The following SLC15A5 variants were observed in gnomAD, a reference collection of about 807,000 sequenced individuals.
The protein encoded by SLC15A5 is solute carrier family 15 member 5.
A neutral mutation model predicts 56.1 loss-of-function variants in SLC15A5; 58 were observed. That is an observed-to-expected ratio of 1.03 (90% CI 0.84 to 1.29). SLC15A5 has a LOEUF of 1.29. Among genes scored for constraint, SLC15A5 ranks in the 50% most tolerant of loss-of-function variants. SLC15A5 has a pLI of 0.00. For synonymous variants in SLC15A5, 264 were observed against 250.5 expected, an observed-to-expected ratio of 1.05 and a Z score of -0.51; for missense variants, 681 against 672.1, an observed-to-expected ratio of 1.01 and a Z score of -0.15.
chr12:16,256,913 A>AATAAG (rs1555173303), intron 3 of SLC15A5, among the ~76,000 whole-genome samples: 1 of 148,480 alleles, frequency 6.7e-6, no homozygotes, highest in Non-Finnish European at 1.5e-5. Flanking sequence ...ATGCATGGGG[A>AATAAG]ATAGATAGAT....
chr12:16,195,048 A>AAATTCTTC (rs1863879951), intron 7 of SLC15A5, among the ~76,000 whole-genome samples: 1 of 152,048 alleles, frequency 6.6e-6, no homozygotes, highest in African/African-American at 2.4e-5. Flanking sequence ...CCTAATAAGT[A>AAATTCTTC]AATTCTTCAA....
At position 16,243,820 on chromosome 12, in the gene SLC15A5, G is replaced by C. The variant is rs1305868799; in HGVS notation, c.975+760C>G. ...TTTAACAAATAAAGTAGTTTATGAA[G>C]TTAATCTCTAAATTTTGTTGCAGCT... On this transcript the variant is annotated intron_variant, in intron 4 of 8. Transcript: ENST00000344941. The surrounding 1 kb of genome is among the most constrained non-coding windows in gnomAD (Gnocchi z 4.4). 2.6e-5 allele frequency among the ~76,000 whole-genome samples: 4 copies of C among 152,180 alleles called. No homozygotes were observed. Among genetic ancestry groups the C allele is most frequent in the Admixed American group, 2.0e-4 (3 of 15,276 alleles).
intron 6 of SLC15A5, 89 bp downstream of exon 6, chr12:16,224,325 C>A: frequency 8.0e-7 from 1 of 1,246,850 alleles, no homozygotes; most frequent in South Asian, 1.7e-5. Context: ...GAATAGATGA[C>A]ATACCACTTT....
rs138596930 is a variant in SLC15A5, at chr12:16,243,294, T to A, written c.975+1286A>T. 6.6e-6 allele frequency among the ~76,000 whole-genome samples: 1 copy of A among 151,014 alleles called. No homozygotes were observed. Among genetic ancestry groups the A allele is most frequent in the African/African-American group, 2.4e-5 (1 of 41,182 alleles). On this transcript the variant is annotated intron_variant, in intron 4 of 8. Coordinates refer to ENST00000344941, the MANE Select transcript of SLC15A5 (RefSeq NM_001170798.1). This position sits in a 1 kb window ranked among gnomAD's most constrained non-coding sequence, Gnocchi z 4.4. ...GGCATGATCTCTGCTCACCGCAACC[T>A]CCGCCTCCTGGGTTCAAGCGATTCT... is the stretch of plus-strand genomic sequence containing the variant.
chr12:16,230,119 C>G (rs1306623561), intron 5 of SLC15A5, among the ~76,000 whole-genome samples: 1 of 152,022 alleles, frequency 6.6e-6, no homozygotes, highest in Non-Finnish European at 1.5e-5. Context: ...AGTTTAATCC[C>G]AGCAAGGAAA....
chr12:16,238,605 G>A (rs969647008), intron 5 of SLC15A5, among the ~76,000 whole-genome samples: 4 of 144,676 alleles, frequency 2.8e-5, no homozygotes, highest in Non-Finnish European at 6.0e-5. Context: ...ACTCCAGCCT[G>A]GGCGACAGAG....
intron 3 of SLC15A5, among the ~76,000 whole-genome samples, chr12:16,245,371 G>T (rs1393825927): frequency 1.3e-5 from 2 of 152,160 alleles, no homozygotes; most frequent in African/African-American, 4.8e-5. Flanking sequence ...GTCATTAAGA[G>T]TTCAGATTAG....
rs377556017 is a variant in SLC15A5 at position 16,272,738 on chromosome 12, T to G, written c.407A>C (p.Tyr136Ser). 613 of 1,536,926 alleles carry G rather than the reference T, an allele frequency of 4.0e-4. No homozygotes were observed. Among genetic ancestry groups the G allele is most frequent in the Non-Finnish European group, 4.9e-4 (559 of 1,146,706 alleles). ...GTTAACTGCATGGTAAGTGCCCAGA[T>G]AGAAATCTTCCAAGGGAAAAGCCAC... ...SVVAFPLEDF[Y>S]LGTYHAVNNI... The change falls in exon 2 of 9, where the codon TAT becomes TCT. Residue 136 changes from tyrosine to serine, a missense_variant. By Grantham distance (144) the Tyr-to-Ser change is moderately radical (BLOSUM62 -2). Coordinates refer to ENST00000344941, the MANE Select transcript of SLC15A5 (RefSeq NM_001170798.1).
chr12:16,194,208 C>A, intron 8 of SLC15A5, 137 bp downstream of exon 8: 1 of 490,318 alleles, frequency 2.0e-6, no homozygotes, highest in Non-Finnish European at 3.5e-6. Flanking sequence ...AATTTCTTAC[C>A]CTGAATAATC....
At chr12:16,255,341 G>A (rs983844950) in intron 3 of SLC15A5, among the ~76,000 whole-genome samples, 1 of 152,048 alleles carries the variant, frequency 6.6e-6, no homozygotes, top group East Asian at 1.9e-4. Context: ...GCAATGAAAA[G>A]ATGCTCACCT....
chr12:16,216,359 A>G (rs1376558043), intron 7 of SLC15A5, among the ~76,000 whole-genome samples: 1 of 152,192 alleles, frequency 6.6e-6, no homozygotes, highest in Admixed American at 6.5e-5. Context: ...TTGCTTTAGT[A>G]GGTACTTTAA....
Position 16,237,889 on chromosome 12 carries a change from A to G in SLC15A5, c.1162+1792T>C, listed in dbSNP as rs1864367424. Among the ~76,000 whole-genome samples, 1 of 152,194 alleles carries G rather than the reference A, an allele frequency of 6.6e-6. No homozygotes were observed. Among genetic ancestry groups the G allele is most frequent in the Non-Finnish European group, 1.5e-5 (1 of 68,042 alleles). Reference sequence around the variant, plus strand: ...AATCATGGACTTGCTGAAGGTATATACAAACCATGTCTTACTTTTCCTTTT... The same window carrying G: ...AATCATGGACTTGCTGAAGGTATATGCAAACCATGTCTTACTTTTCCTTTT... On this transcript the variant is annotated intron_variant, in intron 5 of 8. Coordinates refer to ENST00000344941, the MANE Select transcript of SLC15A5 (RefSeq NM_001170798.1). The surrounding 1 kb of genome is among the most constrained non-coding windows in gnomAD (Gnocchi z 4.1).
At chr12:16,195,634 A>G (rs930809771) in intron 7 of SLC15A5, among the ~76,000 whole-genome samples, 2 of 152,090 alleles carry the variant, frequency 1.3e-5, no homozygotes, top group African/African-American at 4.8e-5. Flanking sequence ...GTGGGACCAG[A>G]GCAATCAGTC....
chr12:16,224,808 A>G (rs1864223697), intron 5 of SLC15A5, among the ~76,000 whole-genome samples: 2 of 151,794 alleles, frequency 1.3e-5, no homozygotes, highest in African/African-American at 2.4e-5. Flanking sequence ...TACATGTGCC[A>G]TGTTGGTGTT....
intron 4 of SLC15A5, among the ~76,000 whole-genome samples, chr12:16,244,243 G>T (rs1385232733): frequency 6.6e-6 from 1 of 152,136 alleles, no homozygotes; most frequent in Non-Finnish European, 1.5e-5. Context: ...AAAACCTTTG[G>T]CTAAAGGGAA....
At chr12:16,216,132 A>G (rs1488058311) in intron 7 of SLC15A5, among the ~76,000 whole-genome samples, 5 of 152,230 alleles carry the variant, frequency 3.3e-5, no homozygotes, top group Non-Finnish European at 5.9e-5. Flanking sequence ...GAAAGTAGAG[A>G]ATACACTTGT....
chr12:16,257,882 A>G lies in SLC15A5; in HGVS notation c.585-12T>C. On this transcript the variant is annotated splice_polypyrimidine_tract_variant and intron_variant, in intron 2 of 8. Coordinates refer to ENST00000344941, the MANE Select transcript of SLC15A5 (RefSeq NM_001170798.1). Reference sequence around the variant, plus strand: ...TGAGCCAATAAAACCTGGGGTATACAGACAGACAAAAATAAAAATACCATT... The same window carrying G: ...TGAGCCAATAAAACCTGGGGTATACGGACAGACAAAAATAAAAATACCATT... 7.1e-7 allele frequency: 1 copy of G among 1,411,024 alleles called. No individual in the cohort carries two copies. The allele number at this position is 1,411,024 out of a possible 1,614,324, so 87.4% of individuals were successfully genotyped here.
At chr12:16,247,619 C>T (rs1054661071) in intron 3 of SLC15A5, among the ~76,000 whole-genome samples, 2 of 151,960 alleles carry the variant, frequency 1.3e-5, no homozygotes, top group African/African-American at 4.8e-5. Context: ...TGACTAGAAA[C>T]AGGCAAAGAG....
intron 3 of SLC15A5, among the ~76,000 whole-genome samples, chr12:16,247,475 G>A (rs1864473516): frequency 6.6e-6 from 1 of 152,102 alleles, no homozygotes; most frequent in African/African-American, 2.4e-5. Flanking sequence ...TCTTCTTTGT[G>A]GTGGGGGAGA....
Sources: allele counts gnomAD v4.1 joint callset (sites outside exome capture counted in the v4.1 genomes callset), GRCh38; gene constraint gnomAD v4.1.1; non-coding constraint Gnocchi (gnomAD v3.1); transcripts MANE v1.5; gene names NCBI Gene and HGNC (gene_info 2026-07-23, HGNC 2026-07-21).